SNAPC4: variants seen among roughly 807,000 people sequenced by gnomAD.
The protein encoded by SNAPC4 is small nuclear RNA activating complex polypeptide 4.
A neutral mutation model predicts 151.3 loss-of-function variants in SNAPC4; 127 were observed. The observed-to-expected ratio is 0.84, with a 90% CI of 0.73 to 0.97. The LOEUF (loss-of-function observed/expected upper bound fraction) is 0.97, where lower values mean the gene tolerates loss of function less well. Ranked by LOEUF, SNAPC4 falls within the 50% of genes least tolerant of loss-of-function variation. The pLI, the probability that SNAPC4 is intolerant of heterozygous loss-of-function variation, is 0.00. For missense variants in SNAPC4, 2,186 were observed against 1,935.0 expected (o/e 1.13, Z -2.43); for synonymous variants, 1,002 against 824.4 (o/e 1.22, Z -3.69).
rs546774289 is a variant in SNAPC4, at chr9:136,398,100, G to A, written c.130+199C>T. 5.3e-5 allele frequency among the ~76,000 whole-genome samples: 8 copies of A among 152,182 alleles called. No individual in the cohort carries two copies. In the South Asian group the frequency reaches 1.5e-3, roughly 28 times the overall value. On this transcript the variant is annotated intron_variant, in intron 2 of 23. Coordinates refer to ENST00000684778, the MANE Select transcript of SNAPC4 (RefSeq NM_003086.4). ...TATTATTATTATTTTTAGAGACAGG[G>A]TCTTGCTGCGTTGTCCAGGCTGGAC...
intron 7 of SNAPC4, among the ~76,000 whole-genome samples, chr9:136,393,639 C>A (rs1834157757): frequency 6.6e-6 from 1 of 151,544 alleles, no homozygotes; most frequent in Non-Finnish European, 1.5e-5. Flanking sequence ...GCCGTGTGGA[C>A]CGACCCCATG....
intron 3 of SNAPC4, 147 bp downstream of exon 3, chr9:136,396,830 G>C: frequency 1.4e-6 from 1 of 729,644 alleles, no homozygotes; most frequent in Non-Finnish European, 2.5e-6. Flanking sequence ...AATGACAAAT[G>C]CTTTTTAATT....
intron 20 of SNAPC4, 82 bp from the exon 21 acceptor site, chr9:136,379,946 C>T (rs1833627540): frequency 1.4e-6 from 2 of 1,473,988 alleles, no homozygotes; most frequent in Admixed American, 1.9e-5. Flanking sequence ...TGGACTATCC[C>T]CTGCCACTCC....
At chr9:136,393,569 G>A (rs1834155591) in intron 7 of SNAPC4, among the ~76,000 whole-genome samples, 2 of 152,236 alleles carry the variant, frequency 1.3e-5, no homozygotes, top group Admixed American at 1.3e-4. Context: ...GCAAACAGCA[G>A]GTTTCAGGAA....
chr9:136,380,740 C>T lies in SNAPC4; in HGVS notation c.2499G>A (p.Gln833=). ...ACTTCTCACCCCAAGTGCCTGCTAC[C>T]TGCAGAAGATGAACTGGTGGGTCCC... The part of the protein sequence containing the change: ...GARDPPVHLL[Q]ASSSAQSTPG... The change falls in exon 20 of 24, where the codon CAG becomes CAA. Residue 833 remains glutamine, a splice_region_variant and synonymous_variant. Coordinates refer to ENST00000684778, the MANE Select transcript of SNAPC4 (RefSeq NM_003086.4). 3 of 1,564,498 alleles carry T rather than the reference C, an allele frequency of 1.9e-6. No homozygotes were observed. The South Asian group carries it at 3.3e-5, about 17-fold the overall frequency.
At position 136,376,378 on chromosome 9, in the gene SNAPC4, C is replaced by T. The variant is rs201999899; in HGVS notation, c.4388G>A (p.Arg1463Gln). 57 of 1,613,186 alleles carry T rather than the reference C, an allele frequency of 3.5e-5. No homozygotes were observed. Among genetic ancestry groups the T allele is most frequent in the Middle Eastern group, 3.3e-4 (2 of 6,078 alleles). The part of the protein sequence containing the change: ...VLRTRHARHT[R>Q]KRRRLV The stretch of plus-strand genomic sequence containing the variant: ...TGCTCACACCAGCCGCCTCCGCTTC[C>T]GGGTGTGCCTGGCATGCCGGGTTCT... Residue 1463 changes from arginine to glutamine, a missense_variant, in exon 23 of 24, where the codon CGG (arginine) becomes CAG (glutamine). By Grantham distance (43) the Arg-to-Gln change is conservative (BLOSUM62 1). Transcript: ENST00000684778.
intron 6 of SNAPC4, 43 bp downstream of exon 6, chr9:136,394,757 G>A: frequency 6.4e-7 from 1 of 1,568,636 alleles, no homozygotes; most frequent in Non-Finnish European, 8.8e-7. Context: ...ATGGGGAGGT[G>A]TCCCAAGCTC....
intron 18 of SNAPC4, 78 bp from the exon 19 acceptor site, chr9:136,381,470 C>G (rs911454762): frequency 1.5e-6 from 2 of 1,323,266 alleles, no homozygotes; most frequent in African/African-American, 2.9e-5. Context: ...GCAGCCCCAG[C>G]TCCCACGTGC....
chr9:136,387,467 C>G lies in SNAPC4; in HGVS notation c.1325+18G>C, dbSNP rs748251817. The G allele has an allele frequency of 8.9e-6, 14 of 1,576,938 alleles. No individual in the cohort carries two copies. In the East Asian group the frequency reaches 3.1e-4, roughly 35 times the overall value. On this transcript the variant is annotated intron_variant, in intron 13 of 23. Transcript: ENST00000684778. The stretch of plus-strand genomic sequence containing the variant: ...GACCCACACGGGCCCCTCCCTCGCT[C>G]AGCGCTGTGCGACTCACCGATCTCG...
intron 20 of SNAPC4, among the ~76,000 whole-genome samples, 187 bp downstream of exon 20, chr9:136,380,553 C>A (rs1833650613): frequency 6.6e-6 from 1 of 152,210 alleles, no homozygotes; most frequent in Non-Finnish European, 1.5e-5. Context: ...AGTGTCAGCC[C>A]CGACCTGCAC....
Position 136,378,479 on chromosome 9 carries a change from C to A in SNAPC4, c.3348G>T (p.Leu1116=), listed in dbSNP as rs766717434. ...GGCCCTGGGCCGCCCGAGTCTCAGT[C>A]AGGGGAGGCAGCAGAGTGGCCAGCA... ...AGLLATLLPP[L]TETRAAQGPR... Residue 1116 remains leucine, a synonymous_variant, in exon 22 of 24, where the codon CTG becomes CTT. Transcript: ENST00000684778. 2 of 1,590,226 alleles carry A rather than the reference C, an allele frequency of 1.3e-6. No homozygotes were observed. Among genetic ancestry groups the A allele is most frequent in the Non-Finnish European group, 8.5e-7 (1 of 1,173,426 alleles).
Position 136,378,598 on chromosome 9 carries a change from T to G in SNAPC4, c.3229A>C (p.Thr1077Pro), listed in dbSNP as rs1369182037. 2 of 1,581,254 alleles carry G rather than the reference T, an allele frequency of 1.3e-6. No homozygotes were observed. Among genetic ancestry groups the G allele is most frequent in the Non-Finnish European group, 1.7e-6 (2 of 1,166,286 alleles). The change falls in exon 22 of 24, where the codon ACC becomes CCC. Residue 1077 changes from threonine to proline, a missense_variant. Thr to Pro is a conservative substitution (Grantham distance 38, BLOSUM62 -1). Transcript: ENST00000684778. ...HVATSVPLPV[T>P]WVLTAQGLLP... ...AGCCCCTGGGCTGTGAGCACCCAGG[T>G]GACAGGCAGGGGGACACTGGTCGCC...
intron 5 of SNAPC4, 134 bp downstream of exon 5, chr9:136,395,164 G>A: frequency 1.8e-6 from 2 of 1,138,314 alleles, no homozygotes; most frequent in Admixed American, 2.3e-5. Context: ...CACGGAGGAG[G>A]CAGTTTGAAG....
chr9:136,384,295 TCTGCTCCCCCCAGG>T (rs1833815042), intron 14 of SNAPC4, among the ~76,000 whole-genome samples: 4 of 152,014 alleles, frequency 2.6e-5, no homozygotes, highest in Admixed American at 2.6e-4. Flanking sequence ...CCCTCACATA[TCTGCTCCCCCCAGG>T]CTTCCGCACC....
Position 136,383,115 on chromosome 9 carries a change from C to G in SNAPC4, c.1983+71G>C. On this transcript the variant is annotated intron_variant, in intron 16 of 23. Coordinates refer to ENST00000684778, the MANE Select transcript of SNAPC4 (RefSeq NM_003086.4). This position sits in a 1 kb window ranked among gnomAD's most constrained non-coding sequence, Gnocchi z 4.2. ...CTGGGGCCCCTGCTGCTGCACTATC[C>G]CCAAGCGTCAGCCCTGGCGAGCGAG... 1.3e-6 allele frequency: 2 copies of G among 1,492,822 alleles called. No homozygotes were observed. Among genetic ancestry groups the G allele is most frequent in the Non-Finnish European group, 1.8e-6 (2 of 1,125,092 alleles). 92.5% of individuals were successfully genotyped at this position (1,492,822 alleles called of 1,614,324 possible). A position where few individuals can be genotyped will look rare whatever the true frequency, so the allele number is the denominator to read the frequency against.
At position 136,383,879 on chromosome 9, in the gene SNAPC4, C is replaced by A. The variant is rs866095294; in HGVS notation, c.1500+74G>T. 6 of 1,415,536 alleles carry A rather than the reference C, an allele frequency of 4.2e-6. No individual in the cohort carries two copies. In the Middle Eastern group the frequency reaches 1.2e-3, roughly 272 times the overall value. 87.7% of individuals were successfully genotyped at this position (1,415,536 alleles called of 1,614,324 possible). ...ACCGAACGCCCCCCTCCCCTCCCCT[C>A]CTCCTGCCTGCTGGACCCCCCAGTT... is the stretch of plus-strand genomic sequence containing the variant. On this transcript the variant is annotated intron_variant, in intron 15 of 23. Coordinates refer to ENST00000684778, the MANE Select transcript of SNAPC4 (RefSeq NM_003086.4). The surrounding 1 kb of genome is among the most constrained non-coding windows in gnomAD (Gnocchi z 4.2).
intron 7 of SNAPC4, 37 bp from the exon 8 acceptor site, chr9:136,392,814 G>T: frequency 6.4e-7 from 1 of 1,561,246 alleles, no homozygotes; most frequent in Non-Finnish European, 8.8e-7. Flanking sequence ...GCTGGGGCAC[G>T]AGGGCTGCGG....
intron 10 of SNAPC4, among the ~76,000 whole-genome samples, chr9:136,390,697 GCA>G (rs1564390805): frequency 6.6e-6 from 1 of 150,972 alleles, no homozygotes. Flanking sequence ...TGCACATCCT[GCA>G]CACACAGCCC....
Position 136,379,280 on chromosome 9 carries a change from C to A in SNAPC4, c.2547G>T (p.Val849=), listed in dbSNP as rs759730163. Residue 849 remains valine (V), a synonymous_variant, in exon 22 of 24, where the codon GTG becomes GTT. Transcript: ENST00000684778. ...QSTPGHLFPN[V]PAQEASKSAS... is the part of the protein sequence containing the mutation. Reference sequence around the variant, plus strand: ...CACTCTTTGAGGCTTCTTGAGCCGGCACGTTTGGGAAGAGGTGGCCTGTGG... The same window carrying A: ...CACTCTTTGAGGCTTCTTGAGCCGGAACGTTTGGGAAGAGGTGGCCTGTGG... 6.2e-7 allele frequency: 1 copy of A among 1,612,638 alleles called. No homozygotes were observed. Among genetic ancestry groups the A allele is most frequent in the South Asian group, 1.1e-5 (1 of 91,068 alleles).
Sources: allele counts gnomAD v4.1 joint callset (sites outside exome capture counted in the v4.1 genomes callset), GRCh38; gene constraint gnomAD v4.1.1; non-coding constraint Gnocchi (gnomAD v3.1); transcripts MANE v1.5; gene names NCBI Gene and HGNC (gene_info 2026-07-23, HGNC 2026-07-21).